The following TOGARAM1 variants were observed in gnomAD, a reference collection of about 807,000 sequenced individuals.
TOGARAM1 encodes TOG array regulator of axonemal microtubules 1, also known as TOG array regulator of axonemal microtubules protein 1.
Under a neutral mutation model 166.6 loss-of-function variants are expected in TOGARAM1, and 100 were observed. The observed-to-expected ratio is 0.60, with a 90% CI of 0.51 to 0.71. The LOEUF is 0.71. Among genes scored for constraint, TOGARAM1 ranks in the 30% least tolerant of loss-of-function variants. The pLI is 0.00. For synonymous variants in TOGARAM1, 758 were observed against 763.8 expected, an observed-to-expected ratio of 0.99 and a Z score of 0.13; for missense variants, 2,029 against 2,102.7, an observed-to-expected ratio of 0.96 and a Z score of 0.69.
intron 11 of TOGARAM1, among the ~76,000 whole-genome samples, chr14:45,036,740 A>G (rs1306684488): frequency 6.6e-6 from 1 of 152,176 alleles, no homozygotes; most frequent in Non-Finnish European, 1.5e-5. Context: ...CTCTTCTTTC[A>G]ATTTTCTTAG....
At position 45,068,524 on chromosome 14, in the gene TOGARAM1, A is replaced by G; in HGVS notation, c.4850A>G (p.His1617Arg). The G allele has an allele frequency of 6.2e-7, 1 of 1,613,632 alleles. No individual in the cohort carries two copies. Among genetic ancestry groups the G allele is most frequent in the Non-Finnish European group, 8.5e-7 (1 of 1,179,732 alleles). ...AAAATGATTCCTCTACTTAGAGACC[A>G]CTTATCTCCTATAATCAACATGCTA... ...MHKMIPLLRDHLSPIINMLIP... is the reference protein window; with the variant it reads ...MHKMIPLLRDRLSPIINMLIP... Residue 1617 changes from histidine to arginine, a missense_variant, in exon 18 of 20, where the codon CAC becomes CGC. Coordinates refer to ENST00000361462, the MANE Select transcript of TOGARAM1 (RefSeq NM_001308120.2).
intron 5 of TOGARAM1, chr14:45,006,469 G>C (rs1341647474): frequency 4.5e-6 from 2 of 447,696 alleles, no homozygotes; most frequent in East Asian, 7.4e-5. Flanking sequence ...ATAATTTACT[G>C]TTAACACTCT....
intron 1 of TOGARAM1, among the ~76,000 whole-genome samples, chr14:44,982,804 A>G (rs1280283899): frequency 6.6e-6 from 1 of 152,226 alleles, no homozygotes; most frequent in East Asian, 1.9e-4. Flanking sequence ...TATTTAGCAC[A>G]TGTGAGTCAT....
intron 1 of TOGARAM1, among the ~76,000 whole-genome samples, chr14:44,977,011 G>C (rs930640944): frequency 2.6e-5 from 4 of 152,094 alleles, no homozygotes; most frequent in Non-Finnish European, 5.9e-5. Context: ...AGAACATTAA[G>C]TATACAATTA....
At position 44,964,008 on chromosome 14, in the gene TOGARAM1, A is replaced by C. The variant is rs762618919; in HGVS notation, c.1587A>C (p.Ala529=). 1 of 1,614,216 alleles carries C rather than the reference A, an allele frequency of 6.2e-7. No homozygotes were observed. Among genetic ancestry groups the C allele is most frequent in the Non-Finnish European group, 8.5e-7 (1 of 1,180,040 alleles). ...LVDSKRRVRQ[A]ALEAFAVLAS... ...ATAGCAAACGCAGGGTACGCCAAGC[A>C]GCTTTAGAAGCTTTTGCCGTATTGG... The change falls in exon 1 of 20, where the codon GCA becomes GCC. Residue 529 remains alanine, a synonymous_variant. Coordinates refer to ENST00000361462, the MANE Select transcript of TOGARAM1 (RefSeq NM_001308120.2).
chr14:45,032,098 TGCA>T, intron 10 of TOGARAM1, 122 bp from the exon 11 acceptor site: 1 of 747,472 alleles, frequency 1.3e-6, no homozygotes. Context: ...AAGTGGAGGT[TGCA>T]GTGAGCTAAG....
rs1883149741 is a variant in TOGARAM1 at position 45,066,651 on chromosome 14, A to G, written c.4633A>G (p.Lys1545Glu). The G allele has an allele frequency of 1.9e-6, 3 of 1,613,860 alleles. No homozygotes were observed. In the South Asian group the frequency reaches 3.3e-5, roughly 18 times the overall value. Reference protein sequence around the residue: ...RNSLESAEYLKLITGLLNAKD... With the variant: ...RNSLESAEYLELITGLLNAKD... ...TTCCTTAGAAAGTGCTGAGTACCTT[A>G]AACTCATAACTGGCTTATTAAATGC... The change falls in exon 17 of 20, where the codon AAA (lysine) becomes GAA (glutamate). Residue 1545 changes from lysine to glutamate, a missense_variant. By Grantham distance (56) the Lys-to-Glu change is moderately conservative. Coordinates refer to ENST00000361462, the MANE Select transcript of TOGARAM1 (RefSeq NM_001308120.2).
chr14:45,025,855 T>C lies in TOGARAM1; in HGVS notation c.3311T>C (p.Val1104Ala), dbSNP rs1880808826. ...ACAAAGGCTTTATCAGAAGACTCAG[T>C]AGTAGTTGTTGGAAAAGGTATTTCA... is the stretch of plus-strand genomic sequence containing the variant. ...TTTKALSEDS[V>A]VVVGKGVFGS... is the part of the protein sequence containing the mutation. The change falls in exon 8 of 20, where the codon GTA becomes GCA. Residue 1104 changes from valine to alanine, a missense_variant. This residue lies in a region of TOGARAM1 where 1,453 missense variants were observed against 1,432.2 expected (regional missense o/e 1.01). Transcript: ENST00000361462. 1.3e-6 allele frequency: 2 copies of C among 1,590,926 alleles called. No individual in the cohort carries two copies. Among genetic ancestry groups the C allele is most frequent in the Non-Finnish European group, 1.7e-6 (2 of 1,161,706 alleles).
chr14:45,045,569 ATATATATATATATATGTGTGTGTGTG>A (rs1376385533), intron 13 of TOGARAM1, among the ~76,000 whole-genome samples: 4 of 39,456 alleles, frequency 1.0e-4, no homozygotes, highest in African/African-American at 4.5e-4. Flanking sequence ...ATATATATAT[ATATATATATATATATGTGTGTGTGTG>A]TGTGTGTGTG....
At chr14:45,020,558 C>A (rs777226449) in intron 7 of TOGARAM1, among the ~76,000 whole-genome samples, 4 of 152,104 alleles carry the variant, frequency 2.6e-5, no homozygotes, top group African/African-American at 9.7e-5. Flanking sequence ...TCTTTTGTTG[C>A]GGGGCTTAGG....
In TOGARAM1 at chr14:45,073,568, G is replaced by A. The variant is rs781424350; in HGVS notation, c.*7G>A. On this transcript the variant is annotated 3_prime_UTR_variant, in exon 20 of 20. Transcript: ENST00000361462. ...AATTTTAAATGAATTATGAATCTTC[G>A]ATAAAATACTGTATGATGAACAAAA... 4.2e-5 allele frequency: 68 copies of A among 1,608,012 alleles called. 1 individual carries two copies. The highest frequency in any genetic ancestry group is 3.0e-4 in the Admixed American group (18 of 59,446).
At chr14:44,975,322 G>A (rs1408638402) in intron 1 of TOGARAM1, among the ~76,000 whole-genome samples, 1 of 152,076 alleles carries the variant, frequency 6.6e-6, no homozygotes, top group Non-Finnish European at 1.5e-5. Flanking sequence ...CTGTTAGAGG[G>A]AATAGCTATG....
chr14:45,069,229 T>C (rs226975), intron 18 of TOGARAM1, among the ~76,000 whole-genome samples: 21,782 of 151,452 alleles, frequency 0.14, 2,123 homozygotes, highest in Non-Finnish European at 0.2. Flanking sequence ...ATTAGCTGGG[T>C]GTGGTGGTGC....
chr14:44,962,510 C>T lies in TOGARAM1; in HGVS notation c.89C>T (p.Ala30Val), dbSNP rs1377534499. ...YRLQSRSRPS[A>V]PETDDSRVGG... The stretch of plus-strand genomic sequence containing the variant: ...CTCCAGAGCCGCAGTCGTCCTTCCG[C>T]CCCAGAGACCGATGATAGTCGAGTT... The change falls in exon 1 of 20, where the codon GCC becomes GTC. Residue 30 changes from alanine to valine, a missense_variant. Coordinates refer to ENST00000361462, the MANE Select transcript of TOGARAM1 (RefSeq NM_001308120.2). 2.5e-6 allele frequency: 4 copies of T among 1,613,072 alleles called. No individual in the cohort carries two copies. The South Asian group carries it at 3.3e-5, about 13-fold the overall frequency.
Position 45,054,848 on chromosome 14 carries a change from T to TC in TOGARAM1, c.4559+304dup, listed in dbSNP as rs561514079. Among the ~76,000 whole-genome samples, 174 of 152,172 alleles carry TC rather than the reference T, an allele frequency of 1.1e-3. 1 individual carries two copies. Among genetic ancestry groups the TC allele is most frequent in the African/African-American group, 4.0e-3 (167 of 41,516 alleles). On this transcript the variant is annotated intron_variant, in intron 16 of 19. Transcript: ENST00000361462. ...TTTAAAAATTTATAGCCTTTATTTT[T>TC]CCCCCGATTGTAAAGTAATACATAA...
intron 11 of TOGARAM1, among the ~76,000 whole-genome samples, chr14:45,038,226 A>G (rs1345444013): frequency 2.0e-5 from 3 of 152,116 alleles, no homozygotes; most frequent in African/African-American, 7.2e-5. Context: ...GTATTGACCA[A>G]TTTTGTCATG....
At chr14:45,005,106 T>C (rs1887889049) in intron 4 of TOGARAM1, among the ~76,000 whole-genome samples, 1 of 151,636 alleles carries the variant, frequency 6.6e-6, no homozygotes. Flanking sequence ...GTAGAGATGG[T>C]GTTTCTCCAT....
chr14:44,985,069 A>G (rs1414927556), intron 1 of TOGARAM1, among the ~76,000 whole-genome samples: 2 of 151,700 alleles, frequency 1.3e-5, no homozygotes, highest in East Asian at 3.9e-4. Flanking sequence ...GCTGGAGTGC[A>G]GTGGCGCAAT....
In TOGARAM1 at chr14:44,963,671, T is replaced by A; in HGVS notation, c.1250T>A (p.Val417Asp). Reference sequence around the variant, plus strand: ...AAAGTGGTGCATGGCACACTTGAAGTCCTGCATTTACTGGTTATTCGCCTT... The same window carrying A: ...AAAGTGGTGCATGGCACACTTGAAGACCTGCATTTACTGGTTATTCGCCTT... Reference protein sequence around the residue: ...NFKVVHGTLEVLHLLVIRLGE... With the variant: ...NFKVVHGTLEDLHLLVIRLGE... Residue 417 changes from valine (V) to aspartate (D), a missense_variant, in exon 1 of 20, where the codon GTC becomes GAC. This residue lies in a region of TOGARAM1 where 1,453 missense variants were observed against 1,432.2 expected (regional missense o/e 1.01). Transcript: ENST00000361462. 6.2e-7 allele frequency: 1 copy of A among 1,613,586 alleles called. No individual in the cohort carries two copies. The highest frequency in any genetic ancestry group is 1.3e-5 in the African/African-American group (1 of 75,050).
Sources: allele counts gnomAD v4.1 joint callset (sites outside exome capture counted in the v4.1 genomes callset), GRCh38; gene constraint gnomAD v4.1.1; regional missense constraint gnomAD v4.1.1; transcripts MANE v1.5; gene names NCBI Gene and HGNC (gene_info 2026-07-23, HGNC 2026-07-21).